The following CDHR3 variants were observed in gnomAD, a reference collection of about 807,000 sequenced individuals.
CDHR3 encodes the protein cadherin related family member 3.
In CDHR3, 79 loss-of-function variants were observed where a neutral mutation model predicts 86.6. That is an observed-to-expected ratio of 0.91 (90% CI 0.76 to 1.10). The LOEUF (loss-of-function observed/expected upper bound fraction) is 1.10. CDHR3 is among the 50% of genes least tolerant of loss of function. The pLI is 0.00. For synonymous variants in CDHR3, 421 were observed against 402.4 expected (o/e 1.05, Z -0.55); for missense variants, 1,081 against 1,077.6 (o/e 1.00, Z -0.04).
intron 1 of CDHR3, among the ~76,000 whole-genome samples, chr7:105,968,084 A>G (rs1827263798): frequency 1.3e-5 from 2 of 152,154 alleles, no homozygotes; most frequent in Admixed American, 6.5e-5. Flanking sequence ...AAAAACCACA[A>G]TTACTTTTAC....
Position 106,016,020 on chromosome 7 carries a change from G to A in CDHR3, c.1421G>A (p.Arg474Lys), listed in dbSNP as rs1246707564. 2.5e-5 allele frequency: 40 copies of A among 1,603,672 alleles called. No individual in the cohort carries two copies. Among genetic ancestry groups the A allele is most frequent in the African/African-American group, 4.0e-5 (3 of 74,746 alleles). ...TATGTATTTGATGTGTCAGAAAGAAGGCCCGGTAAGTAACAGATAAGACAC... is the reference window on the plus strand; with the variant it reads ...TATGTATTTGATGTGTCAGAAAGAAAGCCCGGTAAGTAACAGATAAGACAC... The part of the protein sequence containing the change: ...PSYVFDVSER[R>K]PARTRVGQVR... The change falls in exon 11 of 19, where the codon AGG becomes AAG. Residue 474 changes from arginine (R) to lysine (K), a missense_variant. Arg to Lys is a conservative substitution (Grantham distance 26, BLOSUM62 2). Coordinates refer to ENST00000317716, the MANE Select transcript of CDHR3 (RefSeq NM_152750.5).
intron 8 of CDHR3, among the ~76,000 whole-genome samples, chr7:106,008,424 C>G (rs1415451504): frequency 1.3e-5 from 2 of 152,204 alleles, no homozygotes; most frequent in Non-Finnish European, 1.5e-5. Flanking sequence ...GCTTCACTCT[C>G]ACGAGCCCTG....
intron 7 of CDHR3, 73 bp from the exon 8 acceptor site, chr7:106,004,425 C>A: frequency 8.3e-7 from 1 of 1,207,320 alleles, no homozygotes; most frequent in South Asian, 1.4e-5. Context: ...TGGTCTTTTC[C>A]AGTTTTCTCC....
intron 8 of CDHR3, among the ~76,000 whole-genome samples, chr7:106,007,904 G>C (rs371854923): frequency 6.1e-4 from 93 of 152,294 alleles, no homozygotes; most frequent in African/African-American, 2.1e-3. Context: ...ACCCGAGACT[G>C]GGCAATTTAC....
chr7:105,984,095 C>T, intron 3 of CDHR3, 97 bp from the exon 4 acceptor site: 1 of 595,840 alleles, frequency 1.7e-6, no homozygotes, highest in Non-Finnish European at 2.8e-6. Context: ...TGCCAACACC[C>T]TTGGTTCCCT....
chr7:106,034,972 A>T lies in CDHR3; in HGVS notation c.*2275A>T, dbSNP rs1838789223. Reference sequence around the variant, plus strand: ...CAGGCACCTGTAATCCCAGCTACTCAGGAGGCTGAGGCAAGAGAATCGCTT... The same window carrying T: ...CAGGCACCTGTAATCCCAGCTACTCTGGAGGCTGAGGCAAGAGAATCGCTT... On this transcript the variant is annotated 3_prime_UTR_variant, in exon 19 of 19. Transcript: ENST00000317716. Among the ~76,000 whole-genome samples, 1 of 152,034 alleles carries T rather than the reference A, an allele frequency of 6.6e-6. No individual in the cohort carries two copies. Among genetic ancestry groups the T allele is most frequent in the Non-Finnish European group, 1.5e-5 (1 of 67,996 alleles).
intron 2 of CDHR3, among the ~76,000 whole-genome samples, chr7:105,977,515 G>A (rs758430296): frequency 1.2e-4 from 19 of 152,138 alleles, no homozygotes; most frequent in Admixed American, 5.9e-4. Flanking sequence ...ATCACATCCC[G>A]CAGCTGCGTA....
intron 2 of CDHR3, among the ~76,000 whole-genome samples, chr7:105,980,379 A>G (rs952096536): frequency 1.3e-5 from 2 of 152,078 alleles, no homozygotes; most frequent in Non-Finnish European, 2.9e-5. Context: ...ACATCAGCAT[A>G]TAGATGTGCA....
At chr7:106,022,713 AG>A (rs1836765610) in intron 14 of CDHR3, among the ~76,000 whole-genome samples, 1 of 152,268 alleles carries the variant, frequency 6.6e-6, no homozygotes, top group South Asian at 2.1e-4. Flanking sequence ...GAGACTTGTG[AG>A]AGATCAGACC....
intron 14 of CDHR3, 150 bp downstream of exon 14, chr7:106,022,598 A>C: frequency 2.6e-6 from 3 of 1,170,650 alleles, no homozygotes; most frequent in Non-Finnish European, 3.6e-6. Context: ...GCTGGACTGG[A>C]GTAGCTGCAG....
At chr7:106,032,129 G>A (rs1838465843) in intron 18 of CDHR3, among the ~76,000 whole-genome samples, 1 of 152,208 alleles carries the variant, frequency 6.6e-6, no homozygotes, top group African/African-American at 2.4e-5. Context: ...CAATTGAGAT[G>A]TCCTTGAGAC....
chr7:105,969,726 C>T (rs1055533719), intron 1 of CDHR3, among the ~76,000 whole-genome samples: 2 of 152,240 alleles, frequency 1.3e-5, no homozygotes, highest in African/African-American at 4.8e-5. Flanking sequence ...TGCACCTGGC[C>T]TCTGTGGATC....
chr7:105,976,640 C>T (rs546270142), intron 2 of CDHR3, among the ~76,000 whole-genome samples: 133 of 152,298 alleles, frequency 8.7e-4, no homozygotes, highest in African/African-American at 3.0e-3. Flanking sequence ...CCCTGGCAAC[C>T]ACTAATCTAC....
chr7:106,015,338 C>T lies in CDHR3; in HGVS notation c.1327+125C>T, dbSNP rs183787737. ...ACTAGTACTGCCCTCATGCGGGGAC[C>T]CCCTCTTTCTCGGCTGAATTACAAC... On this transcript the variant is annotated intron_variant, in intron 10 of 18. Coordinates refer to ENST00000317716, the MANE Select transcript of CDHR3 (RefSeq NM_152750.5). 5 of 727,704 alleles carry T rather than the reference C, an allele frequency of 6.9e-6. No individual in the cohort carries two copies. The Admixed American group carries it at 1.5e-4, about 21-fold the overall frequency. 45.1% of individuals were successfully genotyped at this position (727,704 alleles called of 1,614,324 possible). A position where few individuals can be genotyped will look rare whatever the true frequency, so the allele number is the denominator to read the frequency against.
At chr7:105,967,993 C>T (rs1407329546) in intron 1 of CDHR3, among the ~76,000 whole-genome samples, 1 of 152,194 alleles carries the variant, frequency 6.6e-6, no homozygotes, top group Non-Finnish European at 1.5e-5. Context: ...CCTTATGTTG[C>T]CATTGCTTTT....
Position 106,035,302 on chromosome 7 carries a change from G to GCA in CDHR3, c.*2606_*2607dup, listed in dbSNP as rs1465873481. ...AGCTGAGTGTCTTCCTAGTCGCAAG[G>GCA]CAAGCCTCGAGAAACTCAAGAAATA... On this transcript the variant is annotated 3_prime_UTR_variant, in exon 19 of 19. Transcript: ENST00000317716. 2.6e-5 allele frequency among the ~76,000 whole-genome samples: 4 copies of GCA among 152,086 alleles called. No homozygotes were observed. The highest frequency in any genetic ancestry group is 9.7e-5 in the African/African-American group (4 of 41,416).
chr7:106,024,563 G>GA lies in CDHR3; in HGVS notation c.2258+1_2258+2insA, dbSNP rs776185867. 1 of 1,613,906 alleles carries GA rather than the reference G, an allele frequency of 6.2e-7. No individual in the cohort carries two copies. Among genetic ancestry groups the GA allele is most frequent in the Non-Finnish European group, 8.5e-7 (1 of 1,179,832 alleles). On this transcript the variant is annotated splice_donor_variant, in intron 15 of 18. Transcript: ENST00000317716. LOFTEE classifies it high-confidence loss of function. Reference sequence around the variant, plus strand: ...AGACTGGGAAGAACAAGGAACCTCTGTAAGTTGCCAGTGGGCTGGGCCCTC... The same window carrying GA: ...AGACTGGGAAGAACAAGGAACCTCTGATAAGTTGCCAGTGGGCTGGGCCCTC...
At position 105,993,927 on chromosome 7, in the gene CDHR3, G is replaced by A. The variant is rs190161515; in HGVS notation, c.514-824G>A. 3.3e-5 allele frequency among the ~76,000 whole-genome samples: 5 copies of A among 152,286 alleles called. No individual in the cohort carries two copies. The East Asian group carries it at 9.7e-4, about 29-fold the overall frequency. ...GGCAGGGTGTCATCAAGAGAGCTGG[G>A]CTGGAAGCCTATGATGACAAAGACT... On this transcript the variant is annotated intron_variant, in intron 4 of 18. Coordinates refer to ENST00000317716, the MANE Select transcript of CDHR3 (RefSeq NM_152750.5).
At chr7:105,980,261 CT>C (rs1333234890) in intron 2 of CDHR3, among the ~76,000 whole-genome samples, 1 of 152,026 alleles carries the variant, frequency 6.6e-6, no homozygotes, top group Non-Finnish European at 1.5e-5. Context: ...GCTTAGTATT[CT>C]TTTTTTAAAT....
Sources: gnomAD v4.1 joint callset for allele counts (sites outside exome capture counted in the v4.1 genomes callset) on GRCh38, gnomAD v4.1.1 for gene constraint, MANE v1.5 for transcripts, NCBI Gene and HGNC (gene_info 2026-07-23, HGNC 2026-07-21) for gene names.